The following TTLL9 variants were observed in gnomAD, a reference collection of about 807,000 sequenced individuals.
TTLL9 encodes the protein tubulin tyrosine ligase like 9.
TTLL9 carries 47 observed loss-of-function variants against 65.6 expected under a neutral mutation model. The ratio of observed to expected loss-of-function variants is 0.72; its 90% CI spans 0.57 to 0.91. TTLL9 has a LOEUF of 0.91. Among genes scored for constraint, TTLL9 ranks in the 40% least tolerant of loss-of-function variants. The pLI, the probability that TTLL9 is intolerant of heterozygous loss-of-function variation, is 0.00. For missense variants in TTLL9, 537 were observed against 568.8 expected, an observed-to-expected ratio of 0.94 and a Z score of 0.57; for synonymous variants, 179 against 204.8, an observed-to-expected ratio of 0.87 and a Z score of 1.07.
rs2063898978 is a variant in TTLL9 at position 31,926,027 on chromosome 20, A to C, written c.706-22A>C. 3 of 1,613,636 alleles carry C rather than the reference A, an allele frequency of 1.9e-6. No individual in the cohort carries two copies. The African/African-American group carries it at 4.0e-5, about 22-fold the overall frequency. Reference sequence around the variant, plus strand: ...CCTTCCCACACTCTGGCCAGTCCCAAGTGAACTCCTTTGTCCCACAGGTGT... The same window carrying C: ...CCTTCCCACACTCTGGCCAGTCCCACGTGAACTCCTTTGTCCCACAGGTGT... On this transcript the variant is annotated intron_variant, in intron 9 of 14. Transcript: ENST00000535842.
chr20:31,936,551 G>A (rs1186841710), intron 12 of TTLL9, among the ~76,000 whole-genome samples: 1 of 151,972 alleles, frequency 6.6e-6, no homozygotes, highest in Non-Finnish European at 1.5e-5. Flanking sequence ...TTCCCACAGG[G>A]CGGCACTCTC....
intron 2 of TTLL9, among the ~76,000 whole-genome samples, chr20:31,878,040 G>A (rs2063060835): frequency 6.6e-6 from 1 of 152,194 alleles, no homozygotes; most frequent in East Asian, 1.9e-4. Flanking sequence ...AGGACACAGA[G>A]TAGAAGCATA....
At chr20:31,887,065 C>G (rs2063200618) in intron 2 of TTLL9, 131 bp from the exon 3 acceptor site, 3 of 876,198 alleles carry the variant, frequency 3.4e-6, no homozygotes, top group South Asian at 3.2e-5. Context: ...TCAGGCTGGA[C>G]CTTCGTGTCT....
At chr20:31,873,793 A>G (rs377377543) in intron 2 of TTLL9, among the ~76,000 whole-genome samples, 43 of 127,614 alleles carry the variant, frequency 3.4e-4, no homozygotes, top group South Asian at 1.4e-3. Flanking sequence ...AAAAAGAAAG[A>G]AAGGAAGGAA....
chr20:31,886,889 G>GCA (rs2063197139), intron 2 of TTLL9, among the ~76,000 whole-genome samples: 2 of 152,154 alleles, frequency 1.3e-5, no homozygotes, highest in Admixed American at 1.3e-4. Context: ...TCAAAACTGG[G>GCA]GTTCAGGGCT....
At chr20:31,896,334 C>T (rs575173268) in intron 3 of TTLL9, among the ~76,000 whole-genome samples, 1 of 152,320 alleles carries the variant, frequency 6.6e-6, no homozygotes, top group South Asian at 2.1e-4. Flanking sequence ...AATCTGACAA[C>T]TTTCACACAC....
At chr20:31,911,140 A>C (rs1568793100) in intron 6 of TTLL9, among the ~76,000 whole-genome samples, 1 of 151,728 alleles carries the variant, frequency 6.6e-6, no homozygotes, top group Non-Finnish European at 1.5e-5. Context: ...GCCCCACTGC[A>C]CTCCAGCCTG....
At chr20:31,888,955 A>G (rs2063239699) in intron 3 of TTLL9, among the ~76,000 whole-genome samples, 1 of 152,080 alleles carries the variant, frequency 6.6e-6, no homozygotes, top group Admixed American at 6.6e-5. Flanking sequence ...CACTTTCAAC[A>G]TTGAGAATCA....
At chr20:31,937,551 A>C in intron 13 of TTLL9, 42 bp downstream of exon 13, 1 of 1,516,660 alleles carries the variant, frequency 6.6e-7, no homozygotes, top group South Asian at 1.2e-5. Context: ...TGTACATGAC[A>C]ACTGAGGCTC....
intron 10 of TTLL9, among the ~76,000 whole-genome samples, chr20:31,931,324 C>G (rs751722570): frequency 6.6e-6 from 1 of 152,162 alleles, no homozygotes; most frequent in Non-Finnish European, 1.5e-5. Context: ...AGCGATCCTC[C>G]TGCCTTGCCC....
chr20:31,943,078 A>C lies in TTLL9; in HGVS notation c.*57A>C, dbSNP rs781276229. ...CAGGTGCCACCCAGGCCTCCCCCCCACTCCCAGATCCCAGCACAGCACCTC... is the reference window on the plus strand; with the variant it reads ...CAGGTGCCACCCAGGCCTCCCCCCCCCTCCCAGATCCCAGCACAGCACCTC... On this transcript the variant is annotated 3_prime_UTR_variant, in exon 15 of 15. Transcript: ENST00000535842. 4.5e-5 allele frequency: 68 copies of C among 1,497,962 alleles called. No individual in the cohort carries two copies. In the Admixed American group the frequency reaches 4.7e-4, roughly 10 times the overall value. The allele number at this position is 1,497,962 out of a possible 1,614,324, so 92.8% of individuals were successfully genotyped here. A position where few individuals can be genotyped will look rare whatever the true frequency, so the allele number is the denominator to read the frequency against.
At chr20:31,872,535 C>T (rs1229729123) in intron 2 of TTLL9, among the ~76,000 whole-genome samples, 1 of 151,112 alleles carries the variant, frequency 6.6e-6, no homozygotes, top group African/African-American at 2.4e-5. Context: ...AAAAATTAGC[C>T]GGGACCTGTA....
At chr20:31,934,354 C>T (rs1461733555) in intron 11 of TTLL9, 5 of 529,466 alleles carry the variant, frequency 9.4e-6, no homozygotes, top group Non-Finnish European at 1.5e-5. Flanking sequence ...TGTGCATACA[C>T]AGCCCTGAAA....
intron 2 of TTLL9, among the ~76,000 whole-genome samples, chr20:31,881,104 A>G (rs561993549): frequency 1.2e-4 from 18 of 151,110 alleles, no homozygotes; most frequent in African/African-American, 3.9e-4. Flanking sequence ...CCTCAAACCC[A>G]TCTCCCGCCT....
chr20:31,876,908 T>C (rs1457339986), intron 2 of TTLL9, among the ~76,000 whole-genome samples: 1 of 152,228 alleles, frequency 6.6e-6, no homozygotes, highest in African/African-American at 2.4e-5. Context: ...ATGAAAAACA[T>C]TGACATATTT....
At chr20:31,882,781 TAACAC>T (rs1159449787) in intron 2 of TTLL9, among the ~76,000 whole-genome samples, 1 of 152,154 alleles carries the variant, frequency 6.6e-6, no homozygotes, top group East Asian at 1.9e-4. Flanking sequence ...AAAAGCTTAT[TAACAC>T]AACACACTTA....
chr20:31,886,454 C>T (rs969523969), intron 2 of TTLL9, among the ~76,000 whole-genome samples: 3 of 152,214 alleles, frequency 2.0e-5, no homozygotes, highest in African/African-American at 7.2e-5. Context: ...AAGGAATGAA[C>T]ATTGCTCTGA....
chr20:31,872,914 C>A, intron 2 of TTLL9: 1 of 469,018 alleles, frequency 2.1e-6, no homozygotes, highest in Non-Finnish European at 4.3e-6. Flanking sequence ...AGTTTTCCTT[C>A]TCTTCTGTCG....
intron 4 of TTLL9, among the ~76,000 whole-genome samples, chr20:31,902,561 G>A (rs1236260238): frequency 2.0e-5 from 3 of 152,016 alleles, no homozygotes; most frequent in African/African-American, 7.2e-5. Flanking sequence ...CTGTGTAGGA[G>A]TACCACATTT....
Sources: gnomAD v4.1 joint callset for allele counts (sites outside exome capture counted in the v4.1 genomes callset) on GRCh38, gnomAD v4.1.1 for gene constraint, MANE v1.5 for transcripts, NCBI Gene and HGNC (gene_info 2026-07-23, HGNC 2026-07-21) for gene names.